Variants in SGCD observed in about 807,000 individuals in gnomAD.
SGCD encodes the protein delta-sarcoglycan.
A neutral mutation model predicts 36.6 loss-of-function variants in SGCD; 18 were observed. The ratio of observed to expected loss-of-function variants is 0.49; its 90% confidence interval spans 0.34 to 0.73. SGCD has a LOEUF of 0.73. SGCD is among the 30% of genes least tolerant of loss of function. SGCD has a pLI of 0.01. For synonymous variants in SGCD, 133 were observed against 130.6 expected, an observed-to-expected ratio of 1.02 and a Z score of -0.12; for missense variants, 387 against 346.7, an observed-to-expected ratio of 1.12 and a Z score of -0.92.
rs570818950 is a variant in SGCD, at chr5:156,093,222, G to A, written c.-281-24656G>A. Among the ~76,000 whole-genome samples, 4 of 152,282 alleles carry A rather than the reference G, an allele frequency of 2.6e-5. No homozygotes were observed. The East Asian group carries it at 5.8e-4, about 22-fold the overall frequency. Reference sequence around the variant, plus strand: ...ATAGGCCCATTGTTTGCTACCCAGAGTCATGTGCTGGTTTCTCAGAGGCTT... The same window carrying A: ...ATAGGCCCATTGTTTGCTACCCAGAATCATGTGCTGGTTTCTCAGAGGCTT... On this transcript the variant is annotated intron_variant, in intron 1 of 9. Transcript: ENST00000517913.
intron 1 of SGCD, among the ~76,000 whole-genome samples, chr5:155,925,326 A>G (rs1756974561): frequency 6.6e-6 from 1 of 152,196 alleles, no homozygotes; most frequent in Non-Finnish European, 1.5e-5. Flanking sequence ...GCAAAGTACC[A>G]CAAATCAGGT....
At chr5:155,783,737 CCT>C in the SGCD span, among the ~76,000 whole-genome samples, 1 of 152,188 alleles carries the variant, frequency 6.6e-6, no homozygotes, top group African/African-American at 2.4e-5. Context: ...CAGACATTTC[CCT>C]GTCTAGATCT....
At chr5:156,290,430 T>C (rs1365706071) in intron 3 of SGCD, among the ~76,000 whole-genome samples, 1 of 152,188 alleles carries the variant, frequency 6.6e-6, no homozygotes, top group Non-Finnish European at 1.5e-5. Flanking sequence ...CTCAAGAATC[T>C]AAGTTCCAGT....
intron 3 of SGCD, among the ~76,000 whole-genome samples, chr5:156,256,436 T>A (rs183913541): frequency 6.6e-6 from 1 of 152,344 alleles, no homozygotes; most frequent in East Asian, 1.9e-4. Flanking sequence ...TATCTACTCA[T>A]TTACGTAGTT....
rs370905252 is a variant in SGCD at position 156,630,525 on chromosome 5, A to G, written c.503-16939A>G. On this transcript the variant is annotated intron_variant, in intron 6 of 8. Transcript: ENST00000337851. Reference sequence around the variant, plus strand: ...TGTAATATCTCATTGATGTTTTACAATAACCTATGAGGTAGATACTGTCAT... The same window carrying G: ...TGTAATATCTCATTGATGTTTTACAGTAACCTATGAGGTAGATACTGTCAT... Among the ~76,000 whole-genome samples, 38 of 152,246 alleles carry G rather than the reference A, an allele frequency of 2.5e-4. 1 individual carries two copies. The East Asian group carries it at 3.7e-3, about 15-fold the overall frequency.
At chr5:156,694,138 T>C (rs1380813628) in intron 7 of SGCD, among the ~76,000 whole-genome samples, 1 of 152,194 alleles carries the variant, frequency 6.6e-6, no homozygotes, top group Non-Finnish European at 1.5e-5. Context: ...ACATCTCCAG[T>C]AGCTAAGGCT....
rs757678815 is a variant in SGCD at position 156,229,297 on chromosome 5, T to TACACATATATATATATATATAA, written c.-43-100236_-43-100235insCACATATATATATATATATAAA. Among the ~76,000 whole-genome samples, 29 of 119,874 alleles carry TACACATATATATATATATATAA rather than the reference T, an allele frequency of 2.4e-4. 2 individuals are homozygous for TACACATATATATATATATATAA. Among genetic ancestry groups the TACACATATATATATATATATAA allele is most frequent in the Admixed American group, 9.0e-4 (10 of 11,156 alleles). The allele number at this position is 119,874 out of a possible 152,430, so 78.6% of individuals were successfully genotyped here. On this transcript the variant is annotated intron_variant, in intron 3 of 9. Transcript: ENST00000517913. ...ACATACATATATATATATATATATA[T>TACACATATATATATATATATAA]ATAAAATTAGTTCTTCCATTGGTTC...
intron 3 of SGCD, among the ~76,000 whole-genome samples, chr5:156,347,937 GATAAGA>G (rs1039315010): frequency 1.1e-4 from 16 of 152,116 alleles, no homozygotes; most frequent in Admixed American, 9.8e-4. Flanking sequence ...AACTTACTGA[GATAAGA>G]ATAATGCTGT....
At chr5:156,591,465 C>A (rs1760719664) in intron 5 of SGCD, among the ~76,000 whole-genome samples, 1 of 152,130 alleles carries the variant, frequency 6.6e-6, no homozygotes, top group Non-Finnish European at 1.5e-5. Context: ...ACCCTCCCAC[C>A]TACATGGAGG....
chr5:156,466,424 A>T (rs1037980774), intron 3 of SGCD, among the ~76,000 whole-genome samples: 3 of 152,180 alleles, frequency 2.0e-5, no homozygotes, highest in African/African-American at 7.2e-5. Context: ...CGGGCGTTCA[A>T]TTGGTCCTCA....
the SGCD span, among the ~76,000 whole-genome samples, chr5:155,863,875 C>T: frequency 6.6e-6 from 1 of 152,096 alleles, no homozygotes; most frequent in Non-Finnish European, 1.5e-5. Context: ...CTGCTGTGTG[C>T]CACGCACATA....
At chr5:156,670,420 G>C (rs953244231) in intron 7 of SGCD, among the ~76,000 whole-genome samples, 1 of 152,134 alleles carries the variant, frequency 6.6e-6, no homozygotes, top group East Asian at 1.9e-4. Context: ...GGTATATTCT[G>C]TTATTCTTCA....
chr5:156,478,997 T>A (rs139266679), intron 3 of SGCD, among the ~76,000 whole-genome samples: 359 of 152,324 alleles, frequency 2.4e-3, no homozygotes, highest in Middle Eastern at 3.4e-3. Context: ...CATGTTTTAT[T>A]TGATCTTGTC....
At chr5:156,706,130 A>C (rs1438922381) in intron 7 of SGCD, among the ~76,000 whole-genome samples, 1 of 152,172 alleles carries the variant, frequency 6.6e-6, no homozygotes, top group African/African-American at 2.4e-5. Flanking sequence ...ATGTGTATCA[A>C]TAGCAGGTAC....
chr5:156,178,027 G>T (rs1471483339), intron 3 of SGCD, among the ~76,000 whole-genome samples: 1 of 152,188 alleles, frequency 6.6e-6, no homozygotes, highest in Non-Finnish European at 1.5e-5. Flanking sequence ...TCTTAAGTGT[G>T]ATCAGAGCAC....
At chr5:156,346,580 A>G (rs960896218) in intron 3 of SGCD, among the ~76,000 whole-genome samples, 2 of 152,146 alleles carry the variant, frequency 1.3e-5, no homozygotes, top group African/African-American at 4.8e-5. Flanking sequence ...GATTAGAAGC[A>G]TGAGACATCA....
chr5:156,403,856 A>T (rs1287053952), intron 3 of SGCD, among the ~76,000 whole-genome samples: 1 of 148,646 alleles, frequency 6.7e-6, no homozygotes. Context: ...TTTTTTTGAG[A>T]TGGAGGCTCA....
Position 156,668,655 on chromosome 5 carries a change from A to G in SGCD, c.575+21119A>G, listed in dbSNP as rs1053380206. 3.3e-5 allele frequency among the ~76,000 whole-genome samples: 5 copies of G among 152,342 alleles called. No homozygotes were observed. In the South Asian group the frequency reaches 6.2e-4, roughly 19 times the overall value. On this transcript the variant is annotated intron_variant, in intron 7 of 8. Coordinates refer to ENST00000337851, the MANE Select transcript of SGCD (RefSeq NM_000337.6). The stretch of plus-strand genomic sequence containing the variant: ...CATTAGAGACCAGGGAAGGATACAC[A>G]GCAAATAACATCAAAGGGGAAAATG...
intron 7 of SGCD, among the ~76,000 whole-genome samples, chr5:156,711,717 ATC>A (rs1755002140): frequency 6.6e-6 from 1 of 152,166 alleles, no homozygotes; most frequent in Non-Finnish European, 1.5e-5. Flanking sequence ...AGCAAAATAA[ATC>A]TCTCTGTAGA....
Sources: gnomAD v4.1 joint callset for allele counts (sites outside exome capture counted in the v4.1 genomes callset) on GRCh38, gnomAD v4.1.1 for gene constraint, MANE v1.5 for transcripts, NCBI Gene and HGNC (gene_info 2026-07-23, HGNC 2026-07-21) for gene names.